Variants in BNIP1 observed in about 807,000 individuals in gnomAD.
BNIP1 encodes vesicle transport protein SEC20.
A neutral mutation model predicts 28.5 loss-of-function variants in BNIP1; 25 were observed. The ratio of observed to expected loss-of-function variants is 0.88; its 90% CI spans 0.64 to 1.23. The LOEUF (loss-of-function observed/expected upper bound fraction) is 1.23. BNIP1 is among the 50% of genes most tolerant of loss of function. The pLI is 0.00. For synonymous variants in BNIP1, 118 were observed against 101.7 expected (o/e 1.16, Z -0.96); for missense variants, 276 against 277.0 (o/e 1.00, Z 0.02).
At chr5:173,162,421 C>G (rs550979564) in intron 5 of BNIP1, among the ~76,000 whole-genome samples, 1 of 152,084 alleles carries the variant, frequency 6.6e-6, no homozygotes, top group Non-Finnish European at 1.5e-5. Flanking sequence ...GTCAGGAGTT[C>G]GAGACCAGCC....
At chr5:173,157,758 C>A (rs1001438762) in intron 3 of BNIP1, among the ~76,000 whole-genome samples, 1 of 152,110 alleles carries the variant, frequency 6.6e-6, no homozygotes, top group Non-Finnish European at 1.5e-5. Context: ...ACCAACTTTC[C>A]GTTATCACCC....
chr5:173,158,870 G>T, intron 4 of BNIP1, 25 bp downstream of exon 4: 2 of 1,577,472 alleles, frequency 1.3e-6, no homozygotes, highest in South Asian at 1.1e-5. Flanking sequence ...ATTTTTCTGG[G>T]CTCCGATAAT....
intron 5 of BNIP1, chr5:173,160,804 A>G (rs1471879489): frequency 4.4e-6 from 2 of 456,026 alleles, no homozygotes; most frequent in African/African-American, 4.0e-5. Context: ...TATACTCCCC[A>G]ACGTTATTTT....
chr5:173,151,780 G>T lies in BNIP1; in HGVS notation c.178-2542G>T. 5 of 1,568,422 alleles carry T rather than the reference G, an allele frequency of 3.2e-6. No homozygotes were observed. In the South Asian group the frequency reaches 3.5e-5, roughly 11 times the overall value. On this transcript the variant is annotated intron_variant, in intron 2 of 5. Coordinates refer to ENST00000351486, the MANE Select transcript of BNIP1 (RefSeq NM_001205.3). The stretch of plus-strand genomic sequence containing the variant: ...CTCATTAAAATGACCTCACCAATAC[G>T]TGTACATTTACATATTTATTATGGC...
rs929694112 is a variant in BNIP1, at chr5:173,164,216, C to T, written c.*295C>T. 8.8e-5 allele frequency: 23 copies of T among 260,438 alleles called. No individual in the cohort carries two copies. In the South Asian group the frequency reaches 1.0e-3, roughly 11 times the overall value. The allele number at this position is 260,438 out of a possible 1,614,324, so 16.1% of individuals were successfully genotyped here. On this transcript the variant is annotated 3_prime_UTR_variant, in exon 6 of 6. Transcript: ENST00000351486. This position sits in a 1 kb window ranked among gnomAD's most constrained non-coding sequence, Gnocchi z 4.0. ...CTGCGTGGAGCACTTAAAGTCCAGCCTCCAGGACCGGATGCCCCTCCTGTC... is the reference window on the plus strand; with the variant it reads ...CTGCGTGGAGCACTTAAAGTCCAGCTTCCAGGACCGGATGCCCCTCCTGTC...
chr5:173,163,233 C>T (rs1272811740), intron 5 of BNIP1, among the ~76,000 whole-genome samples: 3 of 152,196 alleles, frequency 2.0e-5, no homozygotes, highest in Admixed American at 6.5e-5. Flanking sequence ...TGAGGGCTTA[C>T]GGCAGAGCCC....
At chr5:173,152,303 T>C (rs1760046954) in intron 2 of BNIP1, among the ~76,000 whole-genome samples, 2 of 152,218 alleles carry the variant, frequency 1.3e-5, no homozygotes, top group Admixed American at 6.5e-5. Context: ...AAGGAATATA[T>C]GTAGTGAATA....
chr5:173,150,931 G>A (rs1047460853), intron 2 of BNIP1, among the ~76,000 whole-genome samples: 4 of 152,128 alleles, frequency 2.6e-5, no homozygotes, highest in Non-Finnish European at 1.5e-5. Flanking sequence ...CACCTCCTGG[G>A]TTCAAGCGAT....
intron 3 of BNIP1, among the ~76,000 whole-genome samples, chr5:173,157,680 G>A (rs1254061017): frequency 6.6e-6 from 1 of 152,064 alleles, no homozygotes; most frequent in African/African-American, 2.4e-5. Context: ...CTCTCAAAGT[G>A]TTGGGATTAC....
chr5:173,152,252 T>G (rs1343315969), intron 2 of BNIP1, among the ~76,000 whole-genome samples: 3 of 152,370 alleles, frequency 2.0e-5, no homozygotes. Flanking sequence ...ATGCGTTCAT[T>G]CTTCCATTCA....
At chr5:173,152,579 G>C (rs1012688591) in intron 2 of BNIP1, among the ~76,000 whole-genome samples, 2 of 152,080 alleles carry the variant, frequency 1.3e-5, no homozygotes, top group African/African-American at 4.8e-5. Flanking sequence ...TTGATCTCCT[G>C]ACCTCGTAAT....
Position 173,148,928 on chromosome 5 carries a change from C to G in BNIP1, c.177+1970C>G, listed in dbSNP as rs151287273. On this transcript the variant is annotated intron_variant, in intron 2 of 5. Transcript: ENST00000351486. ...CTAGTAATTTCAGTCTGATGTCTTA[C>G]GTTCTCCATTTTTATTCCTGAGTTT... Among the ~76,000 whole-genome samples the G allele has an allele frequency of 6.4e-4, 97 of 152,214 alleles. No homozygotes were observed. The East Asian group carries it at 0.016, about 25-fold the overall frequency.
intron 3 of BNIP1, among the ~76,000 whole-genome samples, chr5:173,158,255 A>T (rs1403228027): frequency 6.6e-6 from 1 of 152,168 alleles, no homozygotes; most frequent in East Asian, 1.9e-4. Flanking sequence ...CCTACAAAGT[A>T]TATTAACTCA....
chr5:173,156,368 G>A (rs1237117120), intron 3 of BNIP1, among the ~76,000 whole-genome samples: 2 of 152,158 alleles, frequency 1.3e-5, no homozygotes, highest in Non-Finnish European at 2.9e-5. Context: ...TTGGGGCTAT[G>A]TGCAGTAGCT....
At chr5:173,156,687 A>G (rs12659762) in intron 3 of BNIP1, among the ~76,000 whole-genome samples, 6 of 145,562 alleles carry the variant, frequency 4.1e-5, no homozygotes, top group East Asian at 2.0e-4. Flanking sequence ...TCACTCTGTC[A>G]CCCAGGCTGG....
At chr5:173,160,756 C>A in intron 5 of BNIP1, 1 of 453,512 alleles carries the variant, frequency 2.2e-6, no homozygotes, top group Non-Finnish European at 4.4e-6. Flanking sequence ...TTTGGCGAAT[C>A]AGCTGCTGGT....
intron 2 of BNIP1, among the ~76,000 whole-genome samples, chr5:173,148,377 G>A (rs944088641): frequency 6.6e-6 from 1 of 151,848 alleles, no homozygotes; most frequent in South Asian, 2.1e-4. Flanking sequence ...GAGGAAACAC[G>A]TATGGAGCTG....
At chr5:173,151,127 G>A (rs955177205) in intron 2 of BNIP1, among the ~76,000 whole-genome samples, 3 of 150,602 alleles carry the variant, frequency 2.0e-5, no homozygotes, top group African/African-American at 2.4e-5. Context: ...GAGCCACCGC[G>A]CCCGGTCAAA....
intron 2 of BNIP1, among the ~76,000 whole-genome samples, chr5:173,152,818 G>T (rs1180506860): frequency 6.6e-6 from 1 of 152,086 alleles, no homozygotes; most frequent in Non-Finnish European, 1.5e-5. Flanking sequence ...TATTGAAATG[G>T]TGGATACACA....
Sources: allele counts gnomAD v4.1 joint callset (sites outside exome capture counted in the v4.1 genomes callset), GRCh38; gene constraint gnomAD v4.1.1; non-coding constraint Gnocchi (gnomAD v3.1); transcripts MANE v1.5; gene names NCBI Gene and HGNC (gene_info 2026-07-23, HGNC 2026-07-21).